CDH8: variants seen among roughly 807,000 people sequenced by gnomAD.
The protein encoded by CDH8 is cadherin 8.
A neutral mutation model predicts 68.1 loss-of-function variants in CDH8; 17 were observed. The observed-to-expected ratio is 0.25, with a 90% CI of 0.17 to 0.37. The LOEUF (loss-of-function observed/expected upper bound fraction) is 0.37. Ranked by LOEUF, CDH8 falls within the 10% of genes least tolerant of loss-of-function variation. The pLI, the probability that CDH8 is intolerant of heterozygous loss-of-function variation, is 1.00. For missense variants in CDH8, 763 were observed against 999.3 expected (o/e 0.76, Z 3.19); for synonymous variants, 372 against 365.1 (o/e 1.02, Z -0.21).
intron 4 of CDH8, among the ~76,000 whole-genome samples, chr16:61,826,651 T>A (rs11647960): frequency 0.13 from 20,142 of 151,664 alleles, 1,654 homozygotes; most frequent in Middle Eastern, 0.21. Flanking sequence ...TTTTTTTTTT[T>A]AATTCATATG....
intron 10 of CDH8, chr16:61,692,009 A>T (rs1476496811): frequency 6.6e-6 from 1 of 152,152 alleles, no homozygotes; most frequent in East Asian, 1.9e-4. Flanking sequence ...AAGCAGATGT[A>T]GCCTAAGGGT....
At chr16:61,655,746 A>C (rs757572651) in intron 10 of CDH8, 25 bp from the exon 11 acceptor site, 7 of 1,602,768 alleles carry the variant, frequency 4.4e-6, no homozygotes, top group Non-Finnish European at 6.0e-6. Context: ...AATTACAATA[A>C]TTTGCATCAT....
intron 9 of CDH8, among the ~76,000 whole-genome samples, chr16:61,715,639 T>C (rs944091627): frequency 6.6e-6 from 1 of 151,628 alleles, no homozygotes; most frequent in Admixed American, 6.6e-5. Context: ...AACAACTCTG[T>C]TACTCAATGA....
In CDH8 at chr16:61,762,840, T is replaced by C. The variant is rs550217600; in HGVS notation, c.1414+26506A>G. ...GCATCACCTAGAGGCTTTTTAGAAA[T>C]GTAGAATCTGCACCCCAAACTCAGG... On this transcript the variant is annotated intron_variant, in intron 8 of 11. Transcript: ENST00000577390. Among the ~76,000 whole-genome samples the C allele has an allele frequency of 8.0e-4, 122 of 152,286 alleles. 1 individual carries two copies. The highest frequency in any genetic ancestry group is 2.8e-3 in the African/African-American group (116 of 41,570).
rs1326556457 is a variant in CDH8 at position 61,650,839 on chromosome 16, T to C, written c.*2769A>G. The C allele has an allele frequency of 2.0e-5, 3 of 152,058 alleles. No individual in the cohort carries two copies. The highest frequency in any genetic ancestry group is 4.4e-5 in the Non-Finnish European group (3 of 68,004). 9.4% of individuals were successfully genotyped at this position (152,058 alleles called of 1,614,324 possible). ...TCAAGGTATTAGTCACTTTATTCTA[T>C]GTTACAAGACCTGAAATAGGCTTTT... On this transcript the variant is annotated 3_prime_UTR_variant, in exon 12 of 12. Coordinates refer to ENST00000577390, the MANE Select transcript of CDH8 (RefSeq NM_001796.5).
At chr16:61,769,136 T>C (rs1960712090) in intron 8 of CDH8, among the ~76,000 whole-genome samples, 1 of 151,820 alleles carries the variant, frequency 6.6e-6, no homozygotes, top group African/African-American at 2.4e-5. Flanking sequence ...TACTTTCAAC[T>C]GTGAGACAGA....
At chr16:61,695,816 T>C (rs1000935040) in intron 10 of CDH8, among the ~76,000 whole-genome samples, 1 of 152,200 alleles carries the variant, frequency 6.6e-6, no homozygotes, top group Non-Finnish European at 1.5e-5. Flanking sequence ...ATACAGTTTT[T>C]AGAGTTTTTT....
At chr16:61,931,192 G>A (rs1331487665) in intron 2 of CDH8, among the ~76,000 whole-genome samples, 1 of 151,984 alleles carries the variant, frequency 6.6e-6, no homozygotes, top group African/African-American at 2.4e-5. Flanking sequence ...TCAGAACAGG[G>A]TTTCACTTTG....
At chr16:61,654,206 A>G (rs1963391444) in intron 11 of CDH8, 105 bp from the exon 12 acceptor site, 8 of 885,794 alleles carry the variant, frequency 9.0e-6, no homozygotes, top group Middle Eastern at 2.5e-4. Flanking sequence ...AAATTGTATG[A>G]GCATACACCT....
intron 8 of CDH8, among the ~76,000 whole-genome samples, chr16:61,771,472 C>CAAA (rs11355312): frequency 1.0e-3 from 64 of 62,194 alleles, no homozygotes; most frequent in African/African-American, 2.8e-3. Flanking sequence ...AAAAGCCAGC[C>CAAA]AAAAAAAAAA....
At chr16:61,792,004 A>C (rs1961389319) in intron 7 of CDH8, among the ~76,000 whole-genome samples, 1 of 151,976 alleles carries the variant, frequency 6.6e-6, no homozygotes, top group Non-Finnish European at 1.5e-5. Context: ...TACTAAAAAT[A>C]GGCTCATCAT....
At chr16:61,818,345 T>C (rs763646512) in intron 6 of CDH8, among the ~76,000 whole-genome samples, 5 of 152,198 alleles carry the variant, frequency 3.3e-5, no homozygotes, top group African/African-American at 9.6e-5. Flanking sequence ...AGAGACTCTC[T>C]ATTATGAATT....
intron 2 of CDH8, among the ~76,000 whole-genome samples, chr16:61,956,136 C>A (rs1465749115): frequency 6.6e-6 from 1 of 152,038 alleles, no homozygotes; most frequent in African/African-American, 2.4e-5. Context: ...AGTAATAAGA[C>A]AAAGAGTATC....
rs1902069917 is a variant in CDH8 at position 62,021,340 on chromosome 16, T to G, written c.64A>C (p.Thr22Pro). The change falls in exon 2 of 12, where the codon ACT (threonine) becomes CCT (proline). Residue 22 changes from threonine (T) to proline (P), a missense_variant. Transcript: ENST00000577390. Reference protein sequence around the residue: ...LWTPLIILWITLPPCIYMAPM... With the variant: ...LWTPLIILWIPLPPCIYMAPM... ...GCCATGTAAATGCAAGGGGGAAGAG[T>G]AATCCATAATATTATTAATGGAGTC... is the stretch of plus-strand genomic sequence containing the variant. 1.2e-6 allele frequency: 2 copies of G among 1,613,618 alleles called. No individual in the cohort carries two copies. Among genetic ancestry groups the G allele is most frequent in the South Asian group, 2.2e-5 (2 of 91,060 alleles).
chr16:61,829,102 T>C (rs914434553), intron 4 of CDH8, among the ~76,000 whole-genome samples: 1 of 151,852 alleles, frequency 6.6e-6, no homozygotes, highest in African/African-American at 2.4e-5. Context: ...GGCTTTTTGT[T>C]AGGCTCCACC....
In CDH8 at chr16:61,652,787, T is replaced by A; in HGVS notation, c.*821A>T. ...TATTTCGAGGATTAAACAAATAAAT[T>A]CACGCGCTAGCAATAAAACCATCTG... is the stretch of plus-strand genomic sequence containing the variant. On this transcript the variant is annotated 3_prime_UTR_variant, in exon 12 of 12. Coordinates refer to ENST00000577390, the MANE Select transcript of CDH8 (RefSeq NM_001796.5). 2 of 1,344,272 alleles carry A rather than the reference T, an allele frequency of 1.5e-6. No individual in the cohort carries two copies. The highest frequency in any genetic ancestry group is 1.9e-6 in the Non-Finnish European group (2 of 1,046,020). 83.3% of individuals were successfully genotyped at this position (1,344,272 alleles called of 1,614,324 possible).
intron 7 of CDH8, among the ~76,000 whole-genome samples, chr16:61,807,779 T>C (rs1384535568): frequency 6.6e-6 from 1 of 152,188 alleles, no homozygotes; most frequent in Non-Finnish European, 1.5e-5. Flanking sequence ...ACTCCTCTGA[T>C]AAGCAACACT....
chr16:61,681,037 G>A (rs980743419), intron 10 of CDH8, among the ~76,000 whole-genome samples: 4 of 151,938 alleles, frequency 2.6e-5, no homozygotes, highest in African/African-American at 9.6e-5. Context: ...GTTGTTTGTG[G>A]AGACAGGGAG....
chr16:61,850,577 T>G (rs1431491630), intron 4 of CDH8, among the ~76,000 whole-genome samples: 1 of 152,092 alleles, frequency 6.6e-6, no homozygotes, highest in African/African-American at 2.4e-5. Context: ...GAAAAAGTTC[T>G]TCAAGTAAAA....
Sources: gnomAD v4.1 joint callset for allele counts (sites outside exome capture counted in the v4.1 genomes callset) on GRCh38, gnomAD v4.1.1 for gene constraint, MANE v1.5 for transcripts, NCBI Gene and HGNC (gene_info 2026-07-23, HGNC 2026-07-21) for gene names.